The following NRG3 variants were observed in gnomAD, a reference collection of about 807,000 sequenced individuals.
NRG3 encodes neuregulin 3.
Under a neutral mutation model 66.9 loss-of-function variants are expected in NRG3, and 31 were observed. The observed-to-expected ratio is 0.46, with a 90% CI of 0.35 to 0.63. The LOEUF (loss-of-function observed/expected upper bound fraction) is 0.63, where lower values mean the gene tolerates loss of function less well. Among genes scored for constraint, NRG3 ranks in the 20% least tolerant of loss-of-function variants. The pLI, the probability that NRG3 is intolerant of heterozygous loss-of-function variation, is 0.00. For synonymous variants in NRG3, 393 were observed against 359.4 expected (o/e 1.09, Z -1.06); for missense variants, 910 against 878.9 (o/e 1.04, Z -0.45).
At chr10:82,505,388 C>T (rs963656147) in intron 2 of NRG3, among the ~76,000 whole-genome samples, 11 of 152,226 alleles carry the variant, frequency 7.2e-5, no homozygotes, top group Non-Finnish European at 1.6e-4. Context: ...TAGCTATTTA[C>T]CAACTGATTG....
intron 5 of NRG3, among the ~76,000 whole-genome samples, chr10:82,951,906 C>A (rs1404975513): frequency 6.6e-6 from 1 of 152,192 alleles, no homozygotes; most frequent in Non-Finnish European, 1.5e-5. Flanking sequence ...TCACTAAAGG[C>A]TAACTCTTCT....
intron 1 of NRG3, among the ~76,000 whole-genome samples, chr10:82,167,665 GA>G (rs1289014872): frequency 1.3e-5 from 2 of 152,024 alleles, no homozygotes; most frequent in Non-Finnish European, 2.9e-5. Flanking sequence ...TTTGTTTTCA[GA>G]ATAAGTTCTT....
chr10:82,698,213 G>T (rs984136622), intron 2 of NRG3, among the ~76,000 whole-genome samples: 2 of 152,040 alleles, frequency 1.3e-5, no homozygotes, highest in African/African-American at 2.4e-5. Flanking sequence ...GTTCTTGCAT[G>T]AACCATTTGC....
chr10:82,301,848 C>G (rs1397175969), intron 1 of NRG3, among the ~76,000 whole-genome samples: 2 of 151,518 alleles, frequency 1.3e-5, no homozygotes, highest in African/African-American at 4.8e-5. Context: ...GTATTGTTGC[C>G]CAGGCCTTTA....
At chr10:82,623,690 CT>C (rs2049201634) in intron 2 of NRG3, among the ~76,000 whole-genome samples, 1 of 152,098 alleles carries the variant, frequency 6.6e-6, no homozygotes, top group Admixed American at 6.6e-5. Flanking sequence ...AATGTAAAGC[CT>C]TTTCCTTCCA....
intron 2 of NRG3, among the ~76,000 whole-genome samples, chr10:82,710,772 T>C (rs2056617960): frequency 6.6e-6 from 1 of 151,972 alleles, no homozygotes; most frequent in Admixed American, 6.6e-5. Flanking sequence ...CTTGGCTGTT[T>C]ACCTGTTAAT....
chr10:82,685,361 A>T (rs2054436407), intron 2 of NRG3, among the ~76,000 whole-genome samples: 1 of 152,240 alleles, frequency 6.6e-6, no homozygotes, highest in African/African-American at 2.4e-5. Context: ...AAGTAGCTTC[A>T]TGGTTTTCTC....
intron 1 of NRG3, among the ~76,000 whole-genome samples, chr10:82,010,019 G>C (rs1254138805): frequency 2.0e-5 from 3 of 152,172 alleles, no homozygotes; most frequent in African/African-American, 7.2e-5. Context: ...GATAACAAGG[G>C]CTCAGCCTCA....
intron 1 of NRG3, among the ~76,000 whole-genome samples, chr10:82,055,915 T>C (rs2063825513): frequency 6.6e-6 from 1 of 152,170 alleles, no homozygotes; most frequent in South Asian, 2.1e-4. Flanking sequence ...GAATTTCTCC[T>C]TTTGTTCTTA....
intron 1 of NRG3, among the ~76,000 whole-genome samples, chr10:82,217,229 A>T (rs2075733261): frequency 6.6e-6 from 1 of 152,200 alleles, no homozygotes; most frequent in Non-Finnish European, 1.5e-5. Flanking sequence ...CATATTTGTC[A>T]TGTGTGTAAT....
intron 2 of NRG3, 38 bp downstream of exon 2, chr10:82,358,906 G>A (rs1339184597): frequency 6.8e-6 from 11 of 1,613,172 alleles, no homozygotes; most frequent in East Asian, 4.5e-5. Flanking sequence ...GGGCAGGCCC[G>A]TTGCAAGGCG....
At chr10:81,960,136 CCTT>C (rs1286083703) in intron 1 of NRG3, among the ~76,000 whole-genome samples, 3 of 152,096 alleles carry the variant, frequency 2.0e-5, no homozygotes, top group South Asian at 2.1e-4. Flanking sequence ...TATTCACAAT[CCTT>C]CTTCACATTG....
At chr10:82,556,705 A>G (rs1223780502) in intron 2 of NRG3, among the ~76,000 whole-genome samples, 1 of 152,188 alleles carries the variant, frequency 6.6e-6, no homozygotes, top group African/African-American at 2.4e-5. Context: ...ATCTCCTGTC[A>G]TAGGGTTCTG....
intron 1 of NRG3, among the ~76,000 whole-genome samples, chr10:82,045,106 G>A (rs1356766893): frequency 1.4e-5 from 2 of 142,296 alleles, no homozygotes; most frequent in Non-Finnish European, 3.1e-5. Flanking sequence ...TGGGTCAAAT[G>A]GTATTTCTAG....
chr10:81,988,995 A>C (rs548407746), intron 1 of NRG3, among the ~76,000 whole-genome samples: 1 of 152,086 alleles, frequency 6.6e-6, no homozygotes, highest in African/African-American at 2.4e-5. Context: ...CAAGTGAGGC[A>C]TTATAGTGGA....
At chr10:82,962,576 C>T (rs935465927) in intron 6 of NRG3, among the ~76,000 whole-genome samples, 41 of 152,100 alleles carry the variant, frequency 2.7e-4, no homozygotes, top group African/African-American at 9.9e-4. Flanking sequence ...CAGTGGCTCA[C>T]GCCTGTAATC....
chr10:82,721,499 T>C (rs1003957936), intron 2 of NRG3, among the ~76,000 whole-genome samples: 5 of 151,860 alleles, frequency 3.3e-5, no homozygotes, highest in African/African-American at 7.3e-5. Flanking sequence ...CTTGGCTCAC[T>C]GCAACCTCCA....
At chr10:82,263,487 C>T (rs2078140020) in intron 1 of NRG3, among the ~76,000 whole-genome samples, 1 of 152,048 alleles carries the variant, frequency 6.6e-6, no homozygotes, top group African/African-American at 2.4e-5. Context: ...ATGCTCCTAC[C>T]ATTTATAAGC....
At chr10:82,676,092 G>A (rs962859089) in intron 2 of NRG3, among the ~76,000 whole-genome samples, 2 of 152,002 alleles carry the variant, frequency 1.3e-5, no homozygotes, top group Admixed American at 1.3e-4. Context: ...ACAGGAAAAA[G>A]CAACAGCATT....
Sources: allele counts gnomAD v4.1 joint callset (sites outside exome capture counted in the v4.1 genomes callset), GRCh38; gene constraint gnomAD v4.1.1; transcripts MANE v1.5; gene names NCBI Gene and HGNC (gene_info 2026-07-23, HGNC 2026-07-21).